Variants in CACNA2D3 observed in about 807,000 individuals in gnomAD.
CACNA2D3 encodes voltage-dependent calcium channel subunit alpha-2/delta-3.
A neutral mutation model predicts 160.6 loss-of-function variants in CACNA2D3; 60 were observed. The observed-to-expected ratio is 0.37, with a 90% CI of 0.30 to 0.46. CACNA2D3 has a LOEUF of 0.46. Ranked by LOEUF, CACNA2D3 falls within the 20% of genes least tolerant of loss-of-function variation. The probability of loss-of-function intolerance (pLI) is 1.00; values close to 1 mark genes in which losing one functional copy is unlikely to be tolerated. For synonymous variants in CACNA2D3, 558 were observed against 492.9 expected (o/e 1.13, Z -1.75); for missense variants, 1,205 against 1,365.0 (o/e 0.88, Z 1.85).
intron 27 of CACNA2D3, among the ~76,000 whole-genome samples, chr3:54,926,243 T>C (rs1023343153): frequency 6.6e-6 from 1 of 152,208 alleles, no homozygotes; most frequent in Non-Finnish European, 1.5e-5. Context: ...AAGTGCTTTA[T>C]AAATATGTAT....
chr3:54,635,718 A>G (rs1045471440), intron 10 of CACNA2D3, among the ~76,000 whole-genome samples: 1 of 151,726 alleles, frequency 6.6e-6, no homozygotes, highest in African/African-American at 2.4e-5. Flanking sequence ...AGTCCATTCT[A>G]CCTTTCTTGA....
chr3:55,074,027 C>CATTA, intron 37 of CACNA2D3, 87 bp from the exon 38 acceptor site: 1 of 1,222,054 alleles, frequency 8.2e-7, no homozygotes, highest in East Asian at 2.3e-5. Flanking sequence ...TTCGTTCTTA[C>CATTA]GTTAGAGAGG....
intron 2 of CACNA2D3, among the ~76,000 whole-genome samples, chr3:54,242,836 A>G (rs1701998477): frequency 6.6e-6 from 1 of 152,242 alleles, no homozygotes; most frequent in Non-Finnish European, 1.5e-5. Flanking sequence ...GACTACTAAG[A>G]AAACATTAGC....
chr3:54,271,840 A>T (rs1702628398), intron 2 of CACNA2D3, among the ~76,000 whole-genome samples: 1 of 152,112 alleles, frequency 6.6e-6, no homozygotes, highest in Non-Finnish European at 1.5e-5. Flanking sequence ...ATCACCTTTG[A>T]TTTTGTCTCG....
chr3:54,710,278 T>C (rs577929235), intron 11 of CACNA2D3, among the ~76,000 whole-genome samples: 218 of 152,354 alleles, frequency 1.4e-3, no homozygotes, highest in African/African-American at 5.0e-3. Context: ...ATATTTGTAT[T>C]AACGAGGCTA....
chr3:54,125,226 TC>T (rs1699565621), intron 2 of CACNA2D3, among the ~76,000 whole-genome samples: 1 of 140,280 alleles, frequency 7.1e-6, no homozygotes, highest in Non-Finnish European at 1.5e-5. Flanking sequence ...TATGTTTTTT[TC>T]TTTCTCTTTG....
chr3:54,144,391 A>G (rs757175724), intron 2 of CACNA2D3, among the ~76,000 whole-genome samples: 13 of 152,236 alleles, frequency 8.5e-5, no homozygotes, highest in Non-Finnish European at 1.8e-4. Flanking sequence ...CCCTCAGAGC[A>G]TCCTCATAAG....
chr3:54,331,945 C>T (rs552788870), intron 3 of CACNA2D3, among the ~76,000 whole-genome samples: 1 of 152,278 alleles, frequency 6.6e-6, no homozygotes, highest in South Asian at 2.1e-4. Context: ...CTCAATCTAC[C>T]CTGGTCCCCA....
At chr3:54,529,372 T>G (rs1020495982) in intron 5 of CACNA2D3, among the ~76,000 whole-genome samples, 1 of 152,190 alleles carries the variant, frequency 6.6e-6, no homozygotes, top group Non-Finnish European at 1.5e-5. Flanking sequence ...CCTGTATGCC[T>G]CGGACAAGTC....
chr3:54,779,453 C>T (rs1247946142), intron 13 of CACNA2D3, among the ~76,000 whole-genome samples: 5 of 152,194 alleles, frequency 3.3e-5, no homozygotes, highest in African/African-American at 1.2e-4. Flanking sequence ...ATCTGGCTGT[C>T]AAGTAATGGG....
chr3:54,736,050 T>TAA (rs1559563580), intron 11 of CACNA2D3, among the ~76,000 whole-genome samples: 1 of 38,620 alleles, frequency 2.6e-5, no homozygotes, highest in Non-Finnish European at 5.6e-5. Context: ...TATATACACA[T>TAA]ACATATGTAT....
intron 11 of CACNA2D3, among the ~76,000 whole-genome samples, chr3:54,727,694 G>A (rs1438021864): frequency 6.6e-6 from 1 of 152,156 alleles, no homozygotes; most frequent in Non-Finnish European, 1.5e-5. Context: ...ACTCATAAGT[G>A]GGAGTTCAAC....
intron 31 of CACNA2D3, among the ~76,000 whole-genome samples, chr3:54,994,003 T>C (rs1040168): frequency 0.45 from 68,131 of 151,492 alleles, 17,318 homozygotes; most frequent in African/African-American, 0.7. Flanking sequence ...AGCTTTTACC[T>C]GTCCAAGGCC....
intron 2 of CACNA2D3, among the ~76,000 whole-genome samples, chr3:54,303,821 T>TTTTGTTTTTTG (rs1486886594): frequency 1.9e-4 from 20 of 103,166 alleles, no homozygotes; most frequent in African/African-American, 1.4e-4. Context: ...TTTTTCTGTT[T>TTTTGTTTTTTG]TTTTTTTTTT....
intron 4 of CACNA2D3, among the ~76,000 whole-genome samples, chr3:54,435,966 T>C (rs904557774): frequency 6.6e-6 from 1 of 152,206 alleles, no homozygotes; most frequent in African/African-American, 2.4e-5. Context: ...GGGTTACACT[T>C]ACTAGTAGAG....
intron 3 of CACNA2D3, among the ~76,000 whole-genome samples, chr3:54,374,839 C>T (rs1467421005): frequency 6.6e-6 from 1 of 152,178 alleles, no homozygotes; most frequent in Non-Finnish European, 1.5e-5. Context: ...CAATCTTTCT[C>T]GTTATTGTCT....
intron 2 of CACNA2D3, among the ~76,000 whole-genome samples, chr3:54,173,994 A>C (rs1475052763): frequency 6.6e-6 from 1 of 152,198 alleles, no homozygotes; most frequent in African/African-American, 2.4e-5. Flanking sequence ...ATGCTAGCTA[A>C]TTGGAGCTGG....
chr3:54,293,013 A>G (rs1268586132), intron 2 of CACNA2D3, among the ~76,000 whole-genome samples: 1 of 152,226 alleles, frequency 6.6e-6, no homozygotes, highest in South Asian at 2.1e-4. Flanking sequence ...TGAATTTTTC[A>G]TACATGCTAC....
chr3:54,383,417 C>T (rs1470069059), intron 3 of CACNA2D3, among the ~76,000 whole-genome samples: 3 of 152,060 alleles, frequency 2.0e-5, no homozygotes, highest in African/African-American at 4.8e-5. Context: ...GCATGCAGGG[C>T]GTATCCATTC....
Sources: gnomAD v4.1 joint callset for allele counts (sites outside exome capture counted in the v4.1 genomes callset) on GRCh38, gnomAD v4.1.1 for gene constraint, MANE v1.5 for transcripts, NCBI Gene and HGNC (gene_info 2026-07-23, HGNC 2026-07-21) for gene names.